Variants in PRKD1 observed in about 807,000 individuals in gnomAD.
The protein encoded by PRKD1 is protein kinase D1.
Under a neutral mutation model 95.9 loss-of-function variants are expected in PRKD1, and 63 were observed. The observed-to-expected ratio is 0.66, with a 90% CI of 0.54 to 0.81. PRKD1 has a LOEUF of 0.81. Ranked by LOEUF, PRKD1 falls within the 30% of genes least tolerant of loss-of-function variation. PRKD1 has a pLI of 0.00. For missense variants in PRKD1, 1,048 were observed against 1,165.3 expected, an observed-to-expected ratio of 0.90 and a Z score of 1.47; for synonymous variants, 425 against 423.1, an observed-to-expected ratio of 1.00 and a Z score of -0.05.
At chr14:29,589,449 A>C (rs1008562113) in intron 16 of PRKD1, among the ~76,000 whole-genome samples, 8 of 152,172 alleles carry the variant, frequency 5.3e-5, no homozygotes, top group Admixed American at 3.9e-4. Context: ...ATTCTGAGCA[A>C]ATAAAGGAAT....
chr14:29,621,408 CTCTTTATT>C (rs979612674), intron 13 of PRKD1, among the ~76,000 whole-genome samples: 2 of 151,934 alleles, frequency 1.3e-5, no homozygotes, highest in Non-Finnish European at 2.9e-5. Context: ...CTCTCTTTCT[CTCTTTATT>C]TCTTTCCCTC....
At chr14:29,681,416 G>A (rs1004504867) in intron 2 of PRKD1, among the ~76,000 whole-genome samples, 22 of 147,012 alleles carry the variant, frequency 1.5e-4, no homozygotes, top group Non-Finnish European at 5.9e-5. Context: ...TTAGATTACT[G>A]GAAAATTTAT....
chr14:29,632,750 C>T (rs1880098954), intron 9 of PRKD1, 119 bp downstream of exon 9: 2 of 875,058 alleles, frequency 2.3e-6, no homozygotes, highest in Non-Finnish European at 3.6e-6. Context: ...AAAAATAGTT[C>T]CTGGAGGAAG....
chr14:29,662,290 A>G (rs1266132221), intron 4 of PRKD1, among the ~76,000 whole-genome samples: 2 of 152,182 alleles, frequency 1.3e-5, no homozygotes, highest in African/African-American at 4.8e-5. Flanking sequence ...TGTAACTTGT[A>G]AAATCACTAA....
At chr14:29,885,261 A>G (rs978729638) in intron 1 of PRKD1, among the ~76,000 whole-genome samples, 2 of 152,324 alleles carry the variant, frequency 1.3e-5, no homozygotes, top group Non-Finnish European at 2.9e-5. Context: ...ATTGCTAAAA[A>G]TAGTATCCTT....
chr14:29,594,576 G>C (rs2138997996), intron 16 of PRKD1, among the ~76,000 whole-genome samples: 1 of 152,256 alleles, frequency 6.6e-6, no homozygotes, highest in South Asian at 2.1e-4. Flanking sequence ...CCTCGGAATG[G>C]CAGATAGGAC....
chr14:29,788,096 G>A (rs1230489549), intron 1 of PRKD1, among the ~76,000 whole-genome samples: 9 of 152,134 alleles, frequency 5.9e-5, no homozygotes, highest in Non-Finnish European at 1.2e-4. Context: ...ATTTCTTGCA[G>A]AGCTGGTCTA....
At chr14:29,617,286 T>A (rs1594365318) in intron 13 of PRKD1, among the ~76,000 whole-genome samples, 1 of 152,204 alleles carries the variant, frequency 6.6e-6, no homozygotes, top group Admixed American at 6.5e-5. Flanking sequence ...TAGCCTCAAC[T>A]GATCCTTCCA....
At chr14:29,919,920 G>C (rs144128940) in intron 1 of PRKD1, among the ~76,000 whole-genome samples, 1 of 151,504 alleles carries the variant, frequency 6.6e-6, no homozygotes, top group Non-Finnish European at 1.5e-5. Context: ...GAGCTCAGAC[G>C]GTGCCACTGC....
At chr14:29,817,415 G>C (rs1179004450) in intron 1 of PRKD1, among the ~76,000 whole-genome samples, 1 of 152,140 alleles carries the variant, frequency 6.6e-6, no homozygotes, top group East Asian at 1.9e-4. Flanking sequence ...CTGAAAAGCT[G>C]TGAACATTAG....
At chr14:29,702,152 A>T (rs1177399212) in intron 2 of PRKD1, among the ~76,000 whole-genome samples, 3 of 152,116 alleles carry the variant, frequency 2.0e-5, no homozygotes, top group African/African-American at 7.2e-5. Context: ...AGAAGTATGG[A>T]TGTTTCTAAG....
intron 2 of PRKD1, among the ~76,000 whole-genome samples, chr14:29,695,100 G>C (rs563256274): frequency 2.0e-5 from 3 of 152,140 alleles, no homozygotes; most frequent in Non-Finnish European, 2.9e-5. Flanking sequence ...CAGGCATGGT[G>C]GTGGGTGCCT....
In PRKD1 at chr14:29,714,411, C is replaced by T. The variant is rs144245472; in HGVS notation, c.403+11125G>A. On this transcript the variant is annotated intron_variant, in intron 2 of 17. Coordinates refer to ENST00000331968, the MANE Select transcript of PRKD1 (RefSeq NM_002742.3). ...TGCAAATCAAAACCACAATGAGATA[C>T]CATCTCACACCAGTTAGAATAGCAA... Among the ~76,000 whole-genome samples the T allele has an allele frequency of 3.3e-4, 51 of 152,306 alleles. 1 individual carries two copies. Among genetic ancestry groups the T allele is most frequent in the African/African-American group, 8.9e-4 (37 of 41,568 alleles).
intron 1 of PRKD1, among the ~76,000 whole-genome samples, chr14:29,780,358 A>C (rs1307192778): frequency 6.6e-6 from 1 of 152,246 alleles, no homozygotes; most frequent in East Asian, 1.9e-4. Context: ...GGCAACCTAC[A>C]GAATGGGAGA....
intron 1 of PRKD1, among the ~76,000 whole-genome samples, chr14:29,790,516 C>T (rs1297322100): frequency 6.6e-6 from 1 of 152,124 alleles, no homozygotes; most frequent in African/African-American, 2.4e-5. Context: ...AATTAGCCAG[C>T]CCCACGGGAT....
In PRKD1 at chr14:29,638,525, G is replaced by A; in HGVS notation, c.949C>T (p.Pro317Ser). ...GTCACTTCGCCAAGGCAGTTGTTTG[G>A]TACTTTCGGTGCACAACGTTTATGG... The part of the protein sequence containing the change: ...NCHKRCAPKV[P>S]NNCLGEVTIN... Residue 317 changes from proline to serine, a missense_variant, in exon 6 of 18, where the codon CCA becomes TCA. By Grantham distance (74) the Pro-to-Ser change is moderately conservative (BLOSUM62 -1). Coordinates refer to ENST00000331968, the MANE Select transcript of PRKD1 (RefSeq NM_002742.3). 1 of 1,614,172 alleles carries A rather than the reference G, an allele frequency of 6.2e-7. No individual in the cohort carries two copies. The highest frequency in any genetic ancestry group is 8.5e-7 in the Non-Finnish European group (1 of 1,180,018).
At chr14:29,826,804 CATAT>C (rs1303314668) in intron 1 of PRKD1, among the ~76,000 whole-genome samples, 1 of 33,504 alleles carries the variant, frequency 3.0e-5, no homozygotes, top group Admixed American at 4.6e-4. Context: ...TATATATACA[CATAT>C]ATATACACAT....
chr14:29,670,561 G>A (rs1021879016), intron 2 of PRKD1, among the ~76,000 whole-genome samples: 1 of 152,090 alleles, frequency 6.6e-6, no homozygotes, highest in African/African-American at 2.4e-5. Flanking sequence ...GCACTGTCAG[G>A]GAAATCAGCA....
intron 2 of PRKD1, among the ~76,000 whole-genome samples, chr14:29,697,861 C>T (rs889861948): frequency 5.9e-5 from 9 of 152,070 alleles, no homozygotes; most frequent in Non-Finnish European, 1.3e-4. Context: ...TATAAGAACC[C>T]TGTAATTTTA....
Sources: allele counts gnomAD v4.1 joint callset (sites outside exome capture counted in the v4.1 genomes callset), GRCh38; gene constraint gnomAD v4.1.1; transcripts MANE v1.5; gene names NCBI Gene and HGNC (gene_info 2026-07-23, HGNC 2026-07-21).